The following DNAH9 variants were observed in gnomAD, a reference collection of about 807,000 sequenced individuals.
DNAH9 encodes the protein dynein axonemal heavy chain 9.
In DNAH9, 345 loss-of-function variants were observed where a neutral mutation model predicts 471.6. That is an observed-to-expected ratio of 0.73 (90% confidence interval 0.67 to 0.80). DNAH9 has a LOEUF of 0.80. Ranked by LOEUF, DNAH9 falls within the 30% of genes least tolerant of loss-of-function variation. The pLI, the probability that DNAH9 is intolerant of heterozygous loss-of-function variation, is 0.00. For missense variants in DNAH9, 5,407 were observed against 5,609.2 expected (o/e 0.96, Z 1.15); for synonymous variants, 2,093 against 2,123.6 (o/e 0.99, Z 0.40).
intron 27 of DNAH9, among the ~76,000 whole-genome samples, chr17:11,725,783 C>T (rs2075140233): frequency 6.6e-6 from 1 of 152,130 alleles, no homozygotes; most frequent in Admixed American, 6.5e-5. Flanking sequence ...AGCAGAATTG[C>T]TTGAACCTGG....
At chr17:11,659,667 T>C (rs2073719534) in intron 14 of DNAH9, among the ~76,000 whole-genome samples, 1 of 152,244 alleles carries the variant, frequency 6.6e-6, no homozygotes, top group Non-Finnish European at 1.5e-5. Context: ...ACAGCTACGC[T>C]TGATGCACCA....
intron 48 of DNAH9, among the ~76,000 whole-genome samples, chr17:11,831,452 T>C (rs1317225909): frequency 1.3e-5 from 2 of 152,022 alleles, no homozygotes; most frequent in Non-Finnish European, 2.9e-5. Flanking sequence ...TATCTCTTCA[T>C]GATGGACCCG....
At chr17:11,768,737 T>A in intron 37 of DNAH9, 111 bp downstream of exon 37, 3 of 1,323,234 alleles carry the variant, frequency 2.3e-6, no homozygotes, top group South Asian at 1.4e-5. Flanking sequence ...TGCTAGGAAC[T>A]AGTCATCCCC....
rs555526601 is a variant in DNAH9, at chr17:11,657,915, A to G, written c.2595+4913A>G. On this transcript the variant is annotated intron_variant, in intron 14 of 68. Coordinates refer to ENST00000262442, the MANE Select transcript of DNAH9 (RefSeq NM_001372.4). ...GTTCTTGATTATTGATCAAGAGAAA[A>G]TTGATTATCAGTAAGTCTGAAAATC... 2.0e-5 allele frequency among the ~76,000 whole-genome samples: 3 copies of G among 152,194 alleles called. No individual in the cohort carries two copies. The South Asian group carries it at 6.2e-4, about 32-fold the overall frequency.
Position 11,624,974 on chromosome 17 carries a change from C to A in DNAH9, c.1351-4443C>A, listed in dbSNP as rs143357756. Among the ~76,000 whole-genome samples, 968 of 152,218 alleles carry A rather than the reference C, an allele frequency of 6.4e-3. 9 individuals carry two copies. The highest frequency in any genetic ancestry group is 0.034 in the Middle Eastern group (10 of 294). ...AGAAAATCCCAGAAGTATATAAAATCTTTGCAATTTGAATGAGCCATCAAA... is the reference window on the plus strand; with the variant it reads ...AGAAAATCCCAGAAGTATATAAAATATTTGCAATTTGAATGAGCCATCAAA... On this transcript the variant is annotated intron_variant, in intron 6 of 68. Coordinates refer to ENST00000262442, the MANE Select transcript of DNAH9 (RefSeq NM_001372.4).
chr17:11,812,754 T>G (rs777113079), intron 45 of DNAH9, among the ~76,000 whole-genome samples: 13 of 152,138 alleles, frequency 8.5e-5, no homozygotes, highest in Non-Finnish European at 1.5e-4. Flanking sequence ...TTACACCTTT[T>G]CTCCTCCAAT....
chr17:11,925,101 C>T (rs1974275796), intron 62 of DNAH9: 1 of 433,170 alleles, frequency 2.3e-6, no homozygotes, highest in African/African-American at 2.1e-5. Context: ...TCTATTAGAG[C>T]TCCATTGCTA....
intron 65 of DNAH9, among the ~76,000 whole-genome samples, chr17:11,935,524 C>T (rs1404090644): frequency 1.3e-5 from 2 of 151,874 alleles, no homozygotes; most frequent in East Asian, 2.0e-4. Flanking sequence ...TACAGGCGTG[C>T]GTCACCACGC....
intron 1 of DNAH9, among the ~76,000 whole-genome samples, chr17:11,604,029 T>TC (rs1258003041): frequency 3.4e-5 from 5 of 146,652 alleles, no homozygotes; most frequent in Admixed American, 6.8e-5. Flanking sequence ...CCCCACTTCT[T>TC]TTTTTTTTTT....
intron 43 of DNAH9, among the ~76,000 whole-genome samples, chr17:11,805,946 C>T (rs142943407): frequency 1.3e-5 from 2 of 152,104 alleles, no homozygotes; most frequent in African/African-American, 2.4e-5. Context: ...TTCCCAGGCT[C>T]GTCTCAAACT....
At chr17:11,868,856 G>C (rs1415061737) in intron 50 of DNAH9, among the ~76,000 whole-genome samples, 5 of 152,096 alleles carry the variant, frequency 3.3e-5, no homozygotes, top group Non-Finnish European at 7.4e-5. Context: ...CGGTGGTGGG[G>C]TATGAAGCTC....
intron 42 of DNAH9, among the ~76,000 whole-genome samples, chr17:11,796,119 G>A (rs1969228051): frequency 1.3e-5 from 2 of 152,112 alleles, no homozygotes; most frequent in South Asian, 4.1e-4. Context: ...GACTTGTTTT[G>A]TTCCTCAAAG....
rs145997816 is a variant in DNAH9, at chr17:11,799,101, T to G, written c.8420+1308T>G. 2.8e-3 allele frequency among the ~76,000 whole-genome samples: 432 copies of G among 152,260 alleles called. 3 individuals carry two copies. Among genetic ancestry groups the G allele is most frequent in the African/African-American group, 9.9e-3 (412 of 41,540 alleles). On this transcript the variant is annotated intron_variant, in intron 43 of 68. Coordinates refer to ENST00000262442, the MANE Select transcript of DNAH9 (RefSeq NM_001372.4). ...CTAGCTAATAATCCTTTCTGTTCCT[T>G]GGCTTGCTTGGCTCCCATGGTCTTT... is the stretch of plus-strand genomic sequence containing the variant.
intron 1 of DNAH9, among the ~76,000 whole-genome samples, chr17:11,607,451 C>G (rs534841460): frequency 1.3e-5 from 2 of 152,208 alleles, no homozygotes; most frequent in African/African-American, 4.8e-5. Context: ...CTGGATCTCA[C>G]TGGGGGACGC....
Position 11,881,251 on chromosome 17 carries a change from G to T in DNAH9, c.10644G>T (p.Lys3548Asn), listed in dbSNP as rs1403051398. 1 of 1,614,034 alleles carries T rather than the reference G, an allele frequency of 6.2e-7. No homozygotes were observed. The highest frequency in any genetic ancestry group is 8.5e-7 in the Non-Finnish European group (1 of 1,180,040). ...ACAAAGAATGTGAATACAATCCCAA[G>T]TTCCGGCTCATCCTCCACACCAAGC... ...IGDKECEYNP[K>N]FRLILHTKLA... Residue 3548 changes from lysine to asparagine, a missense_variant, in exon 55 of 69, where the codon AAG (lysine) becomes AAT (asparagine). By Grantham distance (94) the Lys-to-Asn change is moderately conservative (BLOSUM62 0). Coordinates refer to ENST00000262442, the MANE Select transcript of DNAH9 (RefSeq NM_001372.4).
At chr17:11,639,153 G>C (rs1217261209) in intron 9 of DNAH9, among the ~76,000 whole-genome samples, 2 of 152,146 alleles carry the variant, frequency 1.3e-5, no homozygotes, top group Non-Finnish European at 1.5e-5. Context: ...CCACAGTTTT[G>C]ACCCATGCTT....
chr17:11,890,898 G>A (rs1466231153), intron 57 of DNAH9, among the ~76,000 whole-genome samples: 1 of 152,050 alleles, frequency 6.6e-6, no homozygotes, highest in Non-Finnish European at 1.5e-5. Context: ...TCTTGCCCAG[G>A]CTCGTTTTGA....
chr17:11,650,347 A>C (rs1035733439), intron 12 of DNAH9, among the ~76,000 whole-genome samples: 1 of 152,174 alleles, frequency 6.6e-6, no homozygotes, highest in African/African-American at 2.4e-5. Context: ...ATAAATAAGG[A>C]AGGATGAAGA....
intron 26 of DNAH9, among the ~76,000 whole-genome samples, chr17:11,718,544 C>T (rs1040664148): frequency 1.3e-5 from 2 of 152,078 alleles, no homozygotes; most frequent in African/African-American, 4.8e-5. Context: ...TTAATAGTAC[C>T]AGAAGTAAGC....
Sources: allele counts gnomAD v4.1 joint callset (sites outside exome capture counted in the v4.1 genomes callset), GRCh38; gene constraint gnomAD v4.1.1; transcripts MANE v1.5; gene names NCBI Gene and HGNC (gene_info 2026-07-23, HGNC 2026-07-21).